ANGPT1: variants seen among roughly 807,000 people sequenced by gnomAD.
ANGPT1 encodes the protein angiopoietin-1.
ANGPT1 carries 17 observed loss-of-function variants against 62.2 expected under a neutral mutation model. The ratio of observed to expected loss-of-function variants is 0.27; its 90% confidence interval spans 0.19 to 0.41. The LOEUF is 0.41. ANGPT1 is among the 10% of genes least tolerant of loss of function. The pLI is 1.00. For synonymous variants in ANGPT1, 199 were observed against 198.9 expected, an observed-to-expected ratio of 1.00 and a Z score of 0.00; for missense variants, 478 against 594.9, an observed-to-expected ratio of 0.80 and a Z score of 2.04.
chr8:107,370,696 C>A (rs1363224643), intron 1 of ANGPT1, among the ~76,000 whole-genome samples: 1 of 58,946 alleles, frequency 1.7e-5, no homozygotes, highest in Non-Finnish European at 2.9e-5. Context: ...GAGCAAGACT[C>A]TGTCAAAAAA....
chr8:107,291,699 C>T (rs1349079818), intron 6 of ANGPT1, among the ~76,000 whole-genome samples: 1 of 152,048 alleles, frequency 6.6e-6, no homozygotes, highest in Non-Finnish European at 1.5e-5. Context: ...GCTTGAGCTA[C>T]CGTGCCTGGC....
chr8:107,363,982 C>CT (rs1445946361), intron 1 of ANGPT1, among the ~76,000 whole-genome samples: 1 of 152,142 alleles, frequency 6.6e-6, no homozygotes, highest in Non-Finnish European at 1.5e-5. Context: ...CTGACTAATA[C>CT]TACAGTTACG....
At chr8:107,303,872 GT>G (rs1380013345) in intron 4 of ANGPT1, among the ~76,000 whole-genome samples, 1 of 151,868 alleles carries the variant, frequency 6.6e-6, no homozygotes, top group East Asian at 1.9e-4. Flanking sequence ...CTGTTTTTCT[GT>G]GACTTTATAT....
intron 1 of ANGPT1, among the ~76,000 whole-genome samples, chr8:107,467,925 C>A (rs922593610): frequency 1.3e-5 from 2 of 152,204 alleles, no homozygotes; most frequent in East Asian, 3.9e-4. Flanking sequence ...TGTTAGACAG[C>A]ATTAAATCCC....
At chr8:107,342,652 C>T (rs560585530) in intron 2 of ANGPT1, among the ~76,000 whole-genome samples, 154 of 152,224 alleles carry the variant, frequency 1.0e-3, no homozygotes, top group Middle Eastern at 3.4e-3. Flanking sequence ...GCTTATCAAA[C>T]AATTTTCCTA....
chr8:107,347,216 C>A, intron 1 of ANGPT1, 119 bp from the exon 2 acceptor site: 1 of 985,234 alleles, frequency 1.0e-6, no homozygotes, highest in Non-Finnish European at 1.5e-6. Flanking sequence ...TGGCGGGGAT[C>A]CTCTACATCT....
intron 1 of ANGPT1, among the ~76,000 whole-genome samples, chr8:107,388,014 G>A (rs7839425): frequency 0.021 from 3,103 of 146,798 alleles, 36 homozygotes; most frequent in Non-Finnish European, 0.033. Context: ...GACAATAATT[G>A]CCAGTAATCT....
intron 7 of ANGPT1, among the ~76,000 whole-genome samples, chr8:107,281,778 CA>C (rs1421787636): frequency 6.6e-6 from 1 of 151,912 alleles, no homozygotes; most frequent in Non-Finnish European, 1.5e-5. Flanking sequence ...GACTCCGTCT[CA>C]AAAAAACAAT....
intron 4 of ANGPT1, among the ~76,000 whole-genome samples, chr8:107,308,358 T>C (rs1011813742): frequency 5.3e-5 from 8 of 152,176 alleles, no homozygotes; most frequent in African/African-American, 9.7e-5. Flanking sequence ...TTTCAAACAA[T>C]GTGACCAGAA....
chr8:107,279,956 G>C (rs1269791305), intron 7 of ANGPT1, among the ~76,000 whole-genome samples: 1 of 152,092 alleles, frequency 6.6e-6, no homozygotes, highest in African/African-American at 2.4e-5. Flanking sequence ...GGGAGGTTGA[G>C]AAGGGAGAGG....
chr8:107,282,026 A>G (rs980673989), intron 7 of ANGPT1, among the ~76,000 whole-genome samples: 1 of 151,526 alleles, frequency 6.6e-6, no homozygotes, highest in Non-Finnish European at 1.5e-5. Flanking sequence ...CTAGAGAAGC[A>G]GTACTGGGCA....
intron 2 of ANGPT1, among the ~76,000 whole-genome samples, chr8:107,345,498 A>C (rs1223092492): frequency 6.6e-6 from 1 of 152,200 alleles, no homozygotes; most frequent in East Asian, 1.9e-4. Flanking sequence ...AGGGGATAAA[A>C]AAATTAAACA....
At chr8:107,398,090 A>C (rs1281423216) in intron 1 of ANGPT1, among the ~76,000 whole-genome samples, 3 of 152,146 alleles carry the variant, frequency 2.0e-5, no homozygotes, top group Admixed American at 6.6e-5. Flanking sequence ...TATGGGAGGG[A>C]TAGAAGTGTT....
intron 1 of ANGPT1, among the ~76,000 whole-genome samples, chr8:107,403,042 T>C (rs1219902049): frequency 6.6e-6 from 1 of 152,206 alleles, no homozygotes; most frequent in African/African-American, 2.4e-5. Context: ...CAACCAATAG[T>C]TGTTTTTCAG....
intron 1 of ANGPT1, among the ~76,000 whole-genome samples, chr8:107,371,816 C>G (rs1816421457): frequency 6.6e-6 from 1 of 151,986 alleles, no homozygotes; most frequent in Admixed American, 6.6e-5. Context: ...CTGCCTTTCC[C>G]CACAATAACT....
intron 6 of ANGPT1, among the ~76,000 whole-genome samples, chr8:107,285,917 A>T (rs1207370145): frequency 6.6e-6 from 1 of 152,148 alleles, no homozygotes; most frequent in African/African-American, 2.4e-5. Context: ...GCTGACATGC[A>T]CTGAGCATTC....
intron 1 of ANGPT1, among the ~76,000 whole-genome samples, chr8:107,433,198 C>T (rs1334408206): frequency 6.6e-6 from 1 of 151,720 alleles, no homozygotes; most frequent in Non-Finnish European, 1.5e-5. Flanking sequence ...CTAATGAGTC[C>T]CAAAATATAG....
At chr8:107,385,226 T>A (rs1816710864) in intron 1 of ANGPT1, among the ~76,000 whole-genome samples, 2 of 152,166 alleles carry the variant, frequency 1.3e-5, no homozygotes, top group Non-Finnish European at 2.9e-5. Context: ...TTTTGTAGTA[T>A]GGCCATTTTA....
Position 107,362,212 on chromosome 8 carries a change from G to A in ANGPT1, c.298-15115C>T, listed in dbSNP as rs142437954. Among the ~76,000 whole-genome samples the A allele has an allele frequency of 5.3e-5, 8 of 152,182 alleles. No individual in the cohort carries two copies. The East Asian group carries it at 1.5e-3, about 29-fold the overall frequency. On this transcript the variant is annotated intron_variant, in intron 1 of 8. Transcript: ENST00000517746. ...TATGTGTCCTATGCTAACAGGCAACGTGCCATGAATACATAAATATGAAAA... is the reference window on the plus strand; with the variant it reads ...TATGTGTCCTATGCTAACAGGCAACATGCCATGAATACATAAATATGAAAA...
Sources: gnomAD v4.1 joint callset for allele counts (sites outside exome capture counted in the v4.1 genomes callset) on GRCh38, gnomAD v4.1.1 for gene constraint, MANE v1.5 for transcripts, NCBI Gene and HGNC (gene_info 2026-07-23, HGNC 2026-07-21) for gene names.